Variants in KCNT2 observed in about 807,000 individuals in gnomAD.
The protein encoded by KCNT2 is potassium sodium-activated channel subfamily T member 2.
A neutral mutation model predicts 153.8 loss-of-function variants in KCNT2; 67 were observed. The observed-to-expected ratio is 0.44, with a 90% CI of 0.36 to 0.53. KCNT2 has a LOEUF of 0.53. Among genes scored for constraint, KCNT2 ranks in the 20% least tolerant of loss-of-function variants. KCNT2 has a pLI of 0.00. For synonymous variants in KCNT2, 500 were observed against 458.8 expected, an observed-to-expected ratio of 1.09 and a Z score of -1.15; for missense variants, 975 against 1,354.8, an observed-to-expected ratio of 0.72 and a Z score of 4.40.
intron 8 of KCNT2, among the ~76,000 whole-genome samples, chr1:196,440,658 A>G (rs1384466608): frequency 6.6e-6 from 1 of 151,958 alleles, no homozygotes; most frequent in Non-Finnish European, 1.5e-5. Context: ...GCCCTGGAGT[A>G]ACTGTTCCAT....
chr1:196,339,518 C>CAG lies in KCNT2; in HGVS notation c.1783+822_1783+823insCT, dbSNP rs1456186234. On this transcript the variant is annotated intron_variant, in intron 16 of 27. Transcript: ENST00000294725. ...AGAGATATGAAGAGACACACACACA[C>CAG]ACAGAGAGAGAGAGAGAGAGAGAGA... is the stretch of plus-strand genomic sequence containing the variant. Among the ~76,000 whole-genome samples the CAG allele has an allele frequency of 3.3e-3, 330 of 100,342 alleles. 3 individuals are homozygous for CAG. The highest frequency in any genetic ancestry group is 9.3e-3 in the African/African-American group (290 of 31,178). 65.8% of individuals were successfully genotyped at this position (100,342 alleles called of 152,430 possible).
chr1:196,397,104 GT>G (rs1365011955), intron 13 of KCNT2, among the ~76,000 whole-genome samples: 2 of 151,314 alleles, frequency 1.3e-5, no homozygotes, highest in Non-Finnish European at 3.0e-5. Flanking sequence ...TGGCCTTTTA[GT>G]AGACAGGAAA....
At chr1:196,567,420 G>A (rs1660244204) in intron 1 of KCNT2, among the ~76,000 whole-genome samples, 1 of 152,108 alleles carries the variant, frequency 6.6e-6, no homozygotes, top group African/African-American at 2.4e-5. Context: ...GCATGATAAG[G>A]TTGAATAGCA....
intron 1 of KCNT2, among the ~76,000 whole-genome samples, chr1:196,538,127 T>C (rs918425054): frequency 9.2e-5 from 14 of 151,900 alleles, no homozygotes; most frequent in African/African-American, 3.4e-4. Context: ...AAAACGCCCA[T>C]CCAACTCTGC....
intron 8 of KCNT2, among the ~76,000 whole-genome samples, chr1:196,432,290 A>T (rs1674230049): frequency 6.6e-6 from 1 of 152,090 alleles, no homozygotes; most frequent in African/African-American, 2.4e-5. Context: ...CAAGAAAGAG[A>T]ACTACCACCG....
At chr1:196,274,687 C>A (rs1658390600) in intron 25 of KCNT2, among the ~76,000 whole-genome samples, 1 of 151,790 alleles carries the variant, frequency 6.6e-6, no homozygotes, top group Non-Finnish European at 1.5e-5. Flanking sequence ...GATTTATTCA[C>A]TATAAAAGTG....
chr1:196,547,408 C>T (rs1657252226), intron 1 of KCNT2, among the ~76,000 whole-genome samples: 1 of 151,968 alleles, frequency 6.6e-6, no homozygotes, highest in Admixed American at 6.6e-5. Context: ...TCTCATCCTT[C>T]ACTGGACAGA....
In KCNT2 at chr1:196,285,739, G is replaced by C. The variant is rs1659593157; in HGVS notation, c.2615C>G (p.Ser872Cys). Residue 872 changes from serine (S) to cysteine (C), a missense_variant, in exon 23 of 28, where the codon TCT (serine) becomes TGT (cysteine). Coordinates refer to ENST00000294725, the MANE Select transcript of KCNT2 (RefSeq NM_198503.5). ...CAGTCGAAACATAAAGGCCAAGTTA[G>C]AGCCTCTCTCCCGTTCTTTCTGTTC... ...KLEKKERERG[S>C]NLAFMFRLPF... The C allele has an allele frequency of 6.2e-7, 1 of 1,611,522 alleles. No homozygotes were observed. Among genetic ancestry groups the C allele is most frequent in the African/African-American group, 1.3e-5 (1 of 74,874 alleles).
rs527350606 is a variant in KCNT2, at chr1:196,298,011, T to A, written c.2595+7223A>T. ...TGTGTAAATTTTGCCTTCTTACTATTCTATAGTGAAAATATATTGAAAAAA... is the reference window on the plus strand; with the variant it reads ...TGTGTAAATTTTGCCTTCTTACTATACTATAGTGAAAATATATTGAAAAAA... On this transcript the variant is annotated intron_variant, in intron 22 of 27. Transcript: ENST00000294725. Among the ~76,000 whole-genome samples the A allele has an allele frequency of 4.4e-4, 67 of 152,332 alleles. 1 individual carries two copies. Among genetic ancestry groups the A allele is most frequent in the Middle Eastern group, 3.4e-3 (1 of 294 alleles).
intron 26 of KCNT2, 139 bp downstream of exon 26, chr1:196,258,055 A>T (rs1461508306): frequency 7.0e-6 from 10 of 1,434,658 alleles, no homozygotes; most frequent in African/African-American, 2.9e-5. Flanking sequence ...TTTCTGTAGG[A>T]GATCAGATGT....
At chr1:196,415,323 T>C (rs1041716536) in intron 12 of KCNT2, among the ~76,000 whole-genome samples, 1 of 151,828 alleles carries the variant, frequency 6.6e-6, no homozygotes, top group Non-Finnish European at 1.5e-5. Context: ...TTAATCAACC[T>C]CTGTGTAAGA....
rs897589317 is a variant in KCNT2, at chr1:196,514,846, G to A, written c.96-22505C>T. On this transcript the variant is annotated intron_variant, in intron 1 of 27. Transcript: ENST00000294725. Reference sequence around the variant, plus strand: ...TGCTAAATGTGTCTTTTAGAATCGCGAAACTATTTGTACCTTAACATGGAG... The same window carrying A: ...TGCTAAATGTGTCTTTTAGAATCGCAAAACTATTTGTACCTTAACATGGAG... Among the ~76,000 whole-genome samples, 9 of 152,028 alleles carry A rather than the reference G, an allele frequency of 5.9e-5. No homozygotes were observed. In the South Asian group the frequency reaches 1.0e-3, roughly 17 times the overall value.
intron 8 of KCNT2, among the ~76,000 whole-genome samples, chr1:196,435,116 G>A (rs1674504660): frequency 9.2e-6 from 1 of 108,150 alleles, no homozygotes; most frequent in African/African-American, 3.5e-5. Flanking sequence ...TTTAGCAATA[G>A]ATACTTATGT....
intron 1 of KCNT2, among the ~76,000 whole-genome samples, chr1:196,579,096 T>C (rs1661710454): frequency 6.6e-6 from 1 of 152,064 alleles, no homozygotes; most frequent in Admixed American, 6.6e-5. Context: ...TACATTAGGG[T>C]TCACTCGTGG....
At chr1:196,579,833 C>G (rs1472438894) in intron 1 of KCNT2, among the ~76,000 whole-genome samples, 2 of 152,186 alleles carry the variant, frequency 1.3e-5, no homozygotes, top group Non-Finnish European at 1.5e-5. Flanking sequence ...AGTACAGCAT[C>G]ATGAAATATC....
chr1:196,372,731 A>G (rs1668641370), intron 14 of KCNT2, among the ~76,000 whole-genome samples: 1 of 151,928 alleles, frequency 6.6e-6, no homozygotes, highest in African/African-American at 2.4e-5. Context: ...GCTTTCAGAT[A>G]AAACTTACCT....
intron 1 of KCNT2, among the ~76,000 whole-genome samples, chr1:196,560,837 T>C (rs1239998336): frequency 6.6e-6 from 1 of 151,976 alleles, no homozygotes; most frequent in Non-Finnish European, 1.5e-5. Context: ...AACATTTATA[T>C]AAAGTCCCGT....
At chr1:196,326,533 GAATATAAT>G (rs1416283923) in intron 19 of KCNT2, among the ~76,000 whole-genome samples, 176 bp downstream of exon 19, 2 of 152,014 alleles carry the variant, frequency 1.3e-5, no homozygotes, top group Non-Finnish European at 2.9e-5. Flanking sequence ...TAGTATTTAT[GAATATAAT>G]CATATTCAAT....
intron 13 of KCNT2, among the ~76,000 whole-genome samples, chr1:196,391,173 G>C (rs1164450183): frequency 6.6e-6 from 1 of 151,190 alleles, no homozygotes; most frequent in South Asian, 2.1e-4. Flanking sequence ...TGGTATTCTT[G>C]GGAAGTATAT....
Sources: allele counts gnomAD v4.1 joint callset (sites outside exome capture counted in the v4.1 genomes callset), GRCh38; gene constraint gnomAD v4.1.1; transcripts MANE v1.5; gene names NCBI Gene and HGNC (gene_info 2026-07-23, HGNC 2026-07-21).